Variants in VPS54 observed in about 807,000 individuals in gnomAD.
VPS54 encodes the protein vacuolar protein sorting-associated protein 54.
In VPS54, 45 loss-of-function variants were observed where a neutral mutation model predicts 121.5. The observed-to-expected ratio is 0.37, with a 90% CI of 0.29 to 0.47. VPS54 has a LOEUF of 0.47. Among genes scored for constraint, VPS54 ranks in the 20% least tolerant of loss-of-function variants. VPS54 has a pLI of 0.99. For synonymous variants in VPS54, 371 were observed against 385.8 expected, an observed-to-expected ratio of 0.96 and a Z score of 0.45; for missense variants, 1,090 against 1,131.4, an observed-to-expected ratio of 0.96 and a Z score of 0.52.
chr2:63,893,200 T>G lies in VPS54; in HGVS notation c.*230A>C. The G allele has an allele frequency of 1.8e-6, 1 of 569,040 alleles. No individual in the cohort carries two copies. Among genetic ancestry groups the G allele is most frequent in the Non-Finnish European group, 3.2e-6 (1 of 315,476 alleles). 35.2% of individuals were successfully genotyped at this position (569,040 alleles called of 1,614,324 possible). A position where few individuals can be genotyped will look rare whatever the true frequency, so the allele number is the denominator to read the frequency against. ...GTCTGTTTCCAGAGAGAATGAAAAATGTTATAGACACCTGATCAGTTACTC... is the reference window on the plus strand; with the variant it reads ...GTCTGTTTCCAGAGAGAATGAAAAAGGTTATAGACACCTGATCAGTTACTC... On this transcript the variant is annotated 3_prime_UTR_variant, in exon 23 of 23. Coordinates refer to ENST00000272322, the MANE Select transcript of VPS54 (RefSeq NM_016516.3).
chr2:64,002,517 G>A (rs905866607), intron 1 of VPS54, among the ~76,000 whole-genome samples: 2 of 152,106 alleles, frequency 1.3e-5, no homozygotes, highest in Non-Finnish European at 2.9e-5. Flanking sequence ...ATTGCTTAAT[G>A]TCAGATAAAT....
chr2:63,980,142 G>A (rs988729853), intron 3 of VPS54, among the ~76,000 whole-genome samples: 11 of 152,048 alleles, frequency 7.2e-5, no homozygotes, highest in Non-Finnish European at 1.5e-4. Context: ...GCTATTAGGG[G>A]CAAAAATGCT....
chr2:64,013,661 GAT>G (rs199567924), intron 1 of VPS54, among the ~76,000 whole-genome samples: 1,736 of 139,772 alleles, frequency 0.012, 17 homozygotes, highest in Non-Finnish European at 0.015. Context: ...GATATATATT[GAT>G]ATATATATCT....
intron 3 of VPS54, among the ~76,000 whole-genome samples, chr2:63,973,471 C>T (rs1460622834): frequency 6.6e-6 from 1 of 152,090 alleles, no homozygotes; most frequent in Non-Finnish European, 1.5e-5. Flanking sequence ...GGGAAAAGGT[C>T]TATTCAAAGT....
chr2:63,946,534 T>G (rs1026594501), intron 9 of VPS54, among the ~76,000 whole-genome samples: 4 of 152,114 alleles, frequency 2.6e-5, no homozygotes, highest in African/African-American at 9.7e-5. Flanking sequence ...GATTATAATT[T>G]TTTTGCTTAT....
intron 3 of VPS54, among the ~76,000 whole-genome samples, chr2:63,978,263 G>T (rs1676638696): frequency 6.6e-6 from 1 of 152,092 alleles, no homozygotes; most frequent in Non-Finnish European, 1.5e-5. Flanking sequence ...TTTCCAAAGG[G>T]GTTGTAGCAC....
intron 12 of VPS54, among the ~76,000 whole-genome samples, chr2:63,923,719 T>C (rs193065054): frequency 6.6e-6 from 1 of 152,376 alleles, no homozygotes; most frequent in Non-Finnish European, 1.5e-5. Flanking sequence ...CTCTTCCTAT[T>C]TCCTGCCTAG....
intron 7 of VPS54, among the ~76,000 whole-genome samples, chr2:63,955,034 G>A (rs1200059058): frequency 2.0e-5 from 3 of 151,818 alleles, no homozygotes; most frequent in Non-Finnish European, 4.4e-5. Context: ...AGCTATATTT[G>A]AAAATATAAA....
intron 12 of VPS54, among the ~76,000 whole-genome samples, chr2:63,924,118 G>C (rs939664828): frequency 1.3e-5 from 2 of 152,316 alleles, no homozygotes; most frequent in Middle Eastern, 6.8e-3. Context: ...CCACAATGGA[G>C]GTAGGAGGGG....
intron 4 of VPS54, among the ~76,000 whole-genome samples, chr2:63,970,900 A>C (rs1156646155): frequency 6.6e-6 from 1 of 152,046 alleles, no homozygotes; most frequent in African/African-American, 2.4e-5. Flanking sequence ...TGTCCAGCAT[A>C]CCTGTCTATG....
At chr2:63,959,704 C>T (rs57862698) in intron 7 of VPS54, among the ~76,000 whole-genome samples, 6 of 151,670 alleles carry the variant, frequency 4.0e-5, no homozygotes, top group Admixed American at 6.6e-5. Context: ...CTGGGTAACA[C>T]GGCAAGACTC....
At chr2:63,971,854 C>T (rs1237616542) in intron 4 of VPS54, among the ~76,000 whole-genome samples, 3 of 152,166 alleles carry the variant, frequency 2.0e-5, no homozygotes, top group Non-Finnish European at 2.9e-5. Flanking sequence ...AATCCTCCCA[C>T]CTCAGCCTCC....
intron 1 of VPS54, among the ~76,000 whole-genome samples, chr2:63,984,636 G>A (rs1454232108): frequency 6.6e-6 from 1 of 151,112 alleles, no homozygotes; most frequent in Non-Finnish European, 1.5e-5. Flanking sequence ...AAAATAAATA[G>A]TAATTAAATT....
At chr2:63,919,512 A>C (rs1415148481) in intron 15 of VPS54, among the ~76,000 whole-genome samples, 2 of 152,062 alleles carry the variant, frequency 1.3e-5, no homozygotes, top group African/African-American at 4.8e-5. Flanking sequence ...ATAGCTATGA[A>C]ATTATATAAA....
intron 3 of VPS54, among the ~76,000 whole-genome samples, chr2:63,978,758 T>C (rs768780334): frequency 6.6e-6 from 1 of 152,128 alleles, no homozygotes; most frequent in Non-Finnish European, 1.5e-5. Flanking sequence ...TAGCTGGGAC[T>C]ACAGGCGCGC....
At chr2:63,967,731 A>AAAAAAAAAAAAAAG (rs1676072227) in intron 5 of VPS54, among the ~76,000 whole-genome samples, 1 of 149,936 alleles carries the variant, frequency 6.7e-6, no homozygotes, top group Non-Finnish European at 1.5e-5. Context: ...AAAAAAAAAA[A>AAAAAAAAAAAAAAG]AAAATCTTAT....
At chr2:63,940,333 T>C (rs1467056857) in intron 11 of VPS54, among the ~76,000 whole-genome samples, 1 of 152,210 alleles carries the variant, frequency 6.6e-6, no homozygotes, top group African/African-American at 2.4e-5. Context: ...ATATTTCATG[T>C]CATCTGTAAA....
chr2:63,943,865 C>T (rs1674852717), intron 10 of VPS54, among the ~76,000 whole-genome samples: 1 of 151,532 alleles, frequency 6.6e-6, no homozygotes, highest in South Asian at 2.1e-4. Flanking sequence ...GCTAGGACTA[C>T]AGGCATGTGC....
At chr2:63,936,676 C>T (rs914034579) in intron 11 of VPS54, among the ~76,000 whole-genome samples, 1 of 152,030 alleles carries the variant, frequency 6.6e-6, no homozygotes, top group Non-Finnish European at 1.5e-5. Flanking sequence ...CTATAGGGTG[C>T]TAACAATAAA....
Sources: gnomAD v4.1 joint callset for allele counts (sites outside exome capture counted in the v4.1 genomes callset) on GRCh38, gnomAD v4.1.1 for gene constraint, MANE v1.5 for transcripts, NCBI Gene and HGNC (gene_info 2026-07-23, HGNC 2026-07-21) for gene names.